Variants in GRM4 observed in about 807,000 individuals in gnomAD.
GRM4 encodes the protein glutamate metabotropic receptor 4.
Under a neutral mutation model 81.7 loss-of-function variants are expected in GRM4, and 28 were observed. The ratio of observed to expected loss-of-function variants is 0.34; its 90% CI spans 0.25 to 0.47. The LOEUF (loss-of-function observed/expected upper bound fraction) is 0.47, where lower values mean the gene tolerates loss of function less well. Among genes scored for constraint, GRM4 ranks in the 20% least tolerant of loss-of-function variants. The probability of loss-of-function intolerance (pLI) is 1.00; values close to 1 mark genes in which losing one functional copy is unlikely to be tolerated. For synonymous variants in GRM4, 488 were observed against 528.8 expected (o/e 0.92, Z 1.06); for missense variants, 948 against 1,290.0 (o/e 0.73, Z 4.06).
At chr6:34,053,791 T>G (rs1376582298) in intron 6 of GRM4, among the ~76,000 whole-genome samples, 1 of 152,232 alleles carries the variant, frequency 6.6e-6, no homozygotes, top group East Asian at 1.9e-4. Context: ...GGTAACCGTA[T>G]TTTTAAAAGA....
Position 34,106,852 on chromosome 6 carries a change from C to T in GRM4, c.520-14753G>A, listed in dbSNP as rs567067809. On this transcript the variant is annotated intron_variant, in intron 2 of 10. Coordinates refer to ENST00000538487, the MANE Select transcript of GRM4 (RefSeq NM_000841.4). Reference sequence around the variant, plus strand: ...AATATTAATGACAACTACAAACAGGCGAGCCTGAGCGGCAGTTGGCTTTCA... The same window carrying T: ...AATATTAATGACAACTACAAACAGGTGAGCCTGAGCGGCAGTTGGCTTTCA... 5.3e-5 allele frequency among the ~76,000 whole-genome samples: 8 copies of T among 152,362 alleles called. No individual in the cohort carries two copies. In the South Asian group the frequency reaches 1.2e-3, roughly 24 times the overall value.
intron 8 of GRM4, among the ~76,000 whole-genome samples, chr6:34,038,519 G>A (rs1476499780): frequency 6.6e-6 from 1 of 152,236 alleles, no homozygotes; most frequent in Non-Finnish European, 1.5e-5. Context: ...CAGGGTACCA[G>A]TGATGCGACG....
At position 34,036,265 on chromosome 6, in the gene GRM4, C is replaced by T. The variant is rs757133144; in HGVS notation, c.1845G>A (p.Thr615=). 8.7e-6 allele frequency: 14 copies of T among 1,613,954 alleles called. No homozygotes were observed. The highest frequency in any genetic ancestry group is 2.2e-5 in the East Asian group (1 of 44,892). ...VVITFVRYND[T]PIVKASGREL... is the part of the protein sequence containing the mutation. ...CACGGCCCGAGGCCTTGACGATGGGCGTGTCGTTGTAGCGCACAAAGGTGA... is the reference window on the plus strand; with the variant it reads ...CACGGCCCGAGGCCTTGACGATGGGTGTGTCGTTGTAGCGCACAAAGGTGA... Residue 615 remains threonine, a synonymous_variant, in exon 9 of 11, where the codon ACG becomes ACA. Coordinates refer to ENST00000538487, the MANE Select transcript of GRM4 (RefSeq NM_000841.4). The surrounding 1 kb of genome is among the most constrained non-coding windows in gnomAD (Gnocchi z 9.0).
At chr6:34,103,899 G>A in intron 2 of GRM4, 1 of 1,362,154 alleles carries the variant, frequency 7.3e-7, no homozygotes, top group Non-Finnish European at 9.4e-7. Flanking sequence ...CTGGGGAGAG[G>A]GGAGGAATTG....
At chr6:34,144,169 C>T (rs1224253290) in intron 1 of GRM4, among the ~76,000 whole-genome samples, 1 of 152,238 alleles carries the variant, frequency 6.6e-6, no homozygotes, top group Non-Finnish European at 1.5e-5. Context: ...GTTCGGGCCT[C>T]AGGACTCCCT....
chr6:34,062,324 G>T (rs572380191), intron 3 of GRM4: 5 of 318,926 alleles, frequency 1.6e-5, no homozygotes, highest in Admixed American at 4.5e-5. Flanking sequence ...GAGCTAGACT[G>T]CCTGGGTTCA....
At position 34,069,167 on chromosome 6, in the gene GRM4, TACACACACACACACACAC is replaced by T. The variant is rs71000021; in HGVS notation, c.737-7157_737-7140del. The stretch of plus-strand genomic sequence containing the variant: ...CTACCCCTGGACCCTCATGGGCGTA[TACACACACACACACACAC>T]ACACACACACACACACACACGCACG... On this transcript the variant is annotated intron_variant, in intron 3 of 10. Coordinates refer to ENST00000538487, the MANE Select transcript of GRM4 (RefSeq NM_000841.4). This position sits in a 1 kb window ranked among gnomAD's most constrained non-coding sequence, Gnocchi z 6.4. 3.0e-4 allele frequency among the ~76,000 whole-genome samples: 40 copies of T among 134,704 alleles called. No homozygotes were observed. Among genetic ancestry groups the T allele is most frequent in the African/African-American group, 9.8e-4 (33 of 33,816 alleles). 88.4% of individuals were successfully genotyped at this position (134,704 alleles called of 152,430 possible).
At chr6:34,065,650 G>A (rs1051235141) in intron 3 of GRM4, among the ~76,000 whole-genome samples, 10 of 151,618 alleles carry the variant, frequency 6.6e-5, no homozygotes, top group African/African-American at 1.9e-4. Flanking sequence ...ACAAACACCC[G>A]AATGCCACTT....
upstream of GRM4, among the ~76,000 whole-genome samples, chr6:34,150,809 A>G (rs2451330): frequency 0.38 from 57,731 of 152,092 alleles, 11,651 homozygotes; most frequent in East Asian, 0.54. Context: ...GAGAAGCCAG[A>G]GTGAAATTCC....
rs140129189 is a variant in GRM4 at position 34,104,385 on chromosome 6, C to T, written c.520-12286G>A. 6.6e-3 allele frequency among the ~76,000 whole-genome samples: 999 copies of T among 152,332 alleles called. 5 individuals are homozygous for T. The highest frequency in any genetic ancestry group is 7.7e-3 in the Non-Finnish European group (527 of 68,030). On this transcript the variant is annotated intron_variant, in intron 2 of 10. Coordinates refer to ENST00000538487, the MANE Select transcript of GRM4 (RefSeq NM_000841.4). Reference sequence around the variant, plus strand: ...CGTGTCATCATAACAGGACTGGTGGCTGTTGGCTAACGAGCACCTACTCTG... The same window carrying T: ...CGTGTCATCATAACAGGACTGGTGGTTGTTGGCTAACGAGCACCTACTCTG...
chr6:34,077,302 C>A (rs994543973), intron 3 of GRM4, among the ~76,000 whole-genome samples: 1 of 152,116 alleles, frequency 6.6e-6, no homozygotes, highest in Admixed American at 6.5e-5. Flanking sequence ...CTCACACATT[C>A]TGCCCAGGCC....
chr6:34,091,781 A>G lies in GRM4; in HGVS notation c.736+102T>C, dbSNP rs746010049. The G allele has an allele frequency of 2.6e-5, 22 of 833,950 alleles. No homozygotes were observed. In the South Asian group the frequency reaches 3.1e-4, roughly 12 times the overall value. The allele number at this position is 833,950 out of a possible 1,614,324, so 51.7% of individuals were successfully genotyped here. A position where few individuals can be genotyped will look rare whatever the true frequency, so the allele number is the denominator to read the frequency against. On this transcript the variant is annotated intron_variant, in intron 3 of 10. Transcript: ENST00000538487. ...CCCACCTGGCAACAGCCAGGCAGTCAGAGCCTGTATCAGGCCCCGGCTGGG... is the reference window on the plus strand; with the variant it reads ...CCCACCTGGCAACAGCCAGGCAGTCGGAGCCTGTATCAGGCCCCGGCTGGG...
At chr6:34,076,746 G>A (rs1022328254) in intron 3 of GRM4, among the ~76,000 whole-genome samples, 1 of 152,166 alleles carries the variant, frequency 6.6e-6, no homozygotes, top group African/African-American at 2.4e-5. Flanking sequence ...TGGGGGCTGG[G>A]GCCCAGGGCC....
rs748316401 is a variant in GRM4 at position 34,068,403 on chromosome 6, G to A, written c.737-6375C>T. Among the ~76,000 whole-genome samples the A allele has an allele frequency of 6.6e-6, 1 of 152,180 alleles. No individual in the cohort carries two copies. The highest frequency in any genetic ancestry group is 1.5e-5 in the Non-Finnish European group (1 of 68,030). On this transcript the variant is annotated intron_variant, in intron 3 of 10. Coordinates refer to ENST00000538487, the MANE Select transcript of GRM4 (RefSeq NM_000841.4). This position sits in a 1 kb window ranked among gnomAD's most constrained non-coding sequence, Gnocchi z 4.2. ...ACATTTCTGTCCTGCACGACCTGGG[G>A]TTGTCTGAGCCTGAGGTGAGCTTAG...
intron 2 of GRM4, among the ~76,000 whole-genome samples, chr6:34,097,648 C>G (rs902823655): frequency 6.6e-6 from 1 of 152,190 alleles, no homozygotes; most frequent in Admixed American, 6.5e-5. Flanking sequence ...TCTGAAAACC[C>G]GCTGAGGGCA....
chr6:34,129,498 T>C (rs1227310868), intron 2 of GRM4, among the ~76,000 whole-genome samples: 1 of 152,224 alleles, frequency 6.6e-6, no homozygotes, highest in Non-Finnish European at 1.5e-5. Context: ...CCAAAAGGTA[T>C]TCTTCACACC....
chr6:34,136,850 T>G lies in GRM4; in HGVS notation c.-363-2991A>C, dbSNP rs1219143535. Among the ~76,000 whole-genome samples the G allele has an allele frequency of 6.7e-6, 1 of 149,836 alleles. No homozygotes were observed. The highest frequency in any genetic ancestry group is 2.5e-5 in the African/African-American group (1 of 40,680). ...ACTGCCTCTTTTAGCTTCCCCTCCC[T>G]CCTTTGATCATGTAACAGGAACAAG... On this transcript the variant is annotated intron_variant, in intron 1 of 10. Coordinates refer to ENST00000538487, the MANE Select transcript of GRM4 (RefSeq NM_000841.4). This position sits in a 1 kb window ranked among gnomAD's most constrained non-coding sequence, Gnocchi z 4.1.
Position 34,036,668 on chromosome 6 carries a change from C to T in GRM4, c.1507-65G>A. Reference sequence around the variant, plus strand: ...CCACCCGGTGCCCCGGACCATCCTACTGGGTGGTGGCACCTTGTAGCCCCA... The same window carrying T: ...CCACCCGGTGCCCCGGACCATCCTATTGGGTGGTGGCACCTTGTAGCCCCA... On this transcript the variant is annotated intron_variant, in intron 8 of 10. Coordinates refer to ENST00000538487, the MANE Select transcript of GRM4 (RefSeq NM_000841.4). The surrounding 1 kb of genome is among the most constrained non-coding windows in gnomAD (Gnocchi z 9.0). 1 of 901,990 alleles carries T rather than the reference C, an allele frequency of 1.1e-6. No homozygotes were observed. Among genetic ancestry groups the T allele is most frequent in the South Asian group, 1.6e-5 (1 of 62,198 alleles). 55.9% of individuals were successfully genotyped at this position (901,990 alleles called of 1,614,324 possible).
chr6:34,057,934 T>C (rs1046227281), intron 5 of GRM4, among the ~76,000 whole-genome samples: 4 of 152,068 alleles, frequency 2.6e-5, no homozygotes, highest in Admixed American at 2.6e-4. Flanking sequence ...CTGGGGCTGG[T>C]ATGGAAACTC....
Sources: gnomAD v4.1 joint callset for allele counts (sites outside exome capture counted in the v4.1 genomes callset) on GRCh38, gnomAD v4.1.1 for gene constraint, Gnocchi (gnomAD v3.1) non-coding constraint, MANE v1.5 for transcripts, NCBI Gene and HGNC (gene_info 2026-07-23, HGNC 2026-07-21) for gene names.